The following PPP1R12B variants were observed in gnomAD, a reference collection of about 807,000 sequenced individuals.
The protein encoded by PPP1R12B is protein phosphatase 1 regulatory subunit 12B, also known as myosin phosphatase target subunit 2.
PPP1R12B carries 76 observed loss-of-function variants against 126.1 expected under a neutral mutation model. That is an observed-to-expected ratio of 0.60 (90% CI 0.50 to 0.73). The LOEUF is 0.73. PPP1R12B is among the 30% of genes least tolerant of loss of function. PPP1R12B has a pLI of 0.00. For synonymous variants in PPP1R12B, 356 were observed against 434.7 expected (o/e 0.82, Z 2.25); for missense variants, 1,052 against 1,205.1 (o/e 0.87, Z 1.88).
In PPP1R12B at chr1:202,555,325, GAAAAAAAAAAAAA is replaced by G. The variant is rs56752885; in HGVS notation, c.2491-3536_2491-3524del. ...AAAACCCTAATTTTCCTGTTTTAATGAAAAAAAAAAAAAAAAAAAAAAAAAAAAGCTTGTTTCG... is the reference window on the plus strand; with the variant it reads ...AAAACCCTAATTTTCCTGTTTTAATGAAAAAAAAAAAAAAAGCTTGTTTCG... On this transcript the variant is annotated intron_variant, in intron 18 of 23. Coordinates refer to ENST00000608999, the MANE Select transcript of PPP1R12B (RefSeq NM_002481.4). 2.4e-3 allele frequency among the ~76,000 whole-genome samples: 60 copies of G among 25,354 alleles called. 4 individuals are homozygous for G. Among genetic ancestry groups the G allele is most frequent in the Non-Finnish European group, 2.8e-3 (43 of 15,302 alleles). 16.6% of individuals were successfully genotyped at this position (25,354 alleles called of 152,430 possible).
At chr1:202,561,411 T>A in intron 19 of PPP1R12B, among the ~76,000 whole-genome samples, 1 of 150,564 alleles carries the variant, frequency 6.6e-6, no homozygotes. Context: ...GTGAGGCAAA[T>A]CTATTTTTAC....
intron 1 of PPP1R12B, among the ~76,000 whole-genome samples, chr1:202,378,872 C>G (rs1368052207): frequency 6.6e-6 from 1 of 152,180 alleles, no homozygotes; most frequent in Non-Finnish European, 1.5e-5. Context: ...GCTTCCAAAA[C>G]AATGCTTTTT....
At chr1:202,574,986 G>T in intron 23 of PPP1R12B, 1 of 1,591,858 alleles carries the variant, frequency 6.3e-7, no homozygotes, top group Non-Finnish European at 8.6e-7. Flanking sequence ...TCCTTTTCAT[G>T]TCTCAATCTC....
chr1:202,516,353 A>T (rs1161386104), intron 18 of PPP1R12B, among the ~76,000 whole-genome samples: 1 of 152,160 alleles, frequency 6.6e-6, no homozygotes, highest in African/African-American at 2.4e-5. Flanking sequence ...AAAGAGATAA[A>T]GGGTTGGAAA....
intron 1 of PPP1R12B, among the ~76,000 whole-genome samples, chr1:202,380,635 A>T (rs1183879263): frequency 1.3e-5 from 2 of 152,178 alleles, no homozygotes; most frequent in Non-Finnish European, 2.9e-5. Context: ...TCTCAGTGTC[A>T]ATAGATACCT....
At chr1:202,431,664 G>A in intron 8 of PPP1R12B, 45 bp downstream of exon 8, 3 of 1,546,910 alleles carry the variant, frequency 1.9e-6, no homozygotes, top group Non-Finnish European at 2.6e-6. Flanking sequence ...TCTCCATAGT[G>A]TAAGAAGATT....
chr1:202,388,353 T>G (rs529519931), intron 1 of PPP1R12B, among the ~76,000 whole-genome samples: 23 of 151,924 alleles, frequency 1.5e-4, no homozygotes, highest in African/African-American at 4.4e-4. Context: ...ATTTTTGTAT[T>G]TTAGTAGAGA....
At chr1:202,552,593 A>G (rs923293795) in intron 18 of PPP1R12B, among the ~76,000 whole-genome samples, 6 of 152,254 alleles carry the variant, frequency 3.9e-5, no homozygotes, top group African/African-American at 1.4e-4. Flanking sequence ...AGAAAACTGA[A>G]GGGAAAGAAG....
intron 13 of PPP1R12B, among the ~76,000 whole-genome samples, chr1:202,452,877 A>G (rs561739748): frequency 6.7e-6 from 1 of 150,284 alleles, no homozygotes; most frequent in South Asian, 2.1e-4. Context: ...GTGTTGTCCA[A>G]GCTGGTCTCA....
At chr1:202,491,198 C>T (rs1393024983) in intron 14 of PPP1R12B, among the ~76,000 whole-genome samples, 2 of 152,140 alleles carry the variant, frequency 1.3e-5, no homozygotes, top group Non-Finnish European at 2.9e-5. Flanking sequence ...GATCTTGGCT[C>T]ACTGCAACTT....
At chr1:202,437,703 C>A (rs1244153134) in intron 9 of PPP1R12B, 118 bp from the exon 10 acceptor site, 2 of 887,846 alleles carry the variant, frequency 2.3e-6, no homozygotes, top group East Asian at 2.6e-5. Context: ...TGTATTTGTT[C>A]TTCTTAGCTA....
At chr1:202,397,643 A>C (rs1196600456) in intron 1 of PPP1R12B, among the ~76,000 whole-genome samples, 1 of 152,218 alleles carries the variant, frequency 6.6e-6, no homozygotes, top group Non-Finnish European at 1.5e-5. Context: ...ACATTATTCC[A>C]TTGAAATTAA....
intron 13 of PPP1R12B, among the ~76,000 whole-genome samples, chr1:202,471,055 A>G (rs1373906267): frequency 1.3e-5 from 2 of 152,168 alleles, no homozygotes; most frequent in African/African-American, 4.8e-5. Flanking sequence ...ATCTCTCCTC[A>G]GTCTCATCTC....
intron 23 of PPP1R12B, chr1:202,575,004 C>T (rs1206714617): frequency 1.9e-6 from 3 of 1,608,438 alleles, no homozygotes; most frequent in East Asian, 4.5e-5. Flanking sequence ...CTCTACAGAA[C>T]CTCCACCAGC....
chr1:202,391,087 A>G (rs1664079991), intron 1 of PPP1R12B, among the ~76,000 whole-genome samples: 1 of 152,122 alleles, frequency 6.6e-6, no homozygotes, highest in Non-Finnish European at 1.5e-5. Context: ...TGATAAGACA[A>G]CCCACAGAGT....
At chr1:202,349,743 C>T (rs1235175904) in intron 1 of PPP1R12B, among the ~76,000 whole-genome samples, 2 of 152,152 alleles carry the variant, frequency 1.3e-5, no homozygotes, top group Non-Finnish European at 2.9e-5. Context: ...GCAGTGCTAC[C>T]TCCCTGAGAG....
intron 1 of PPP1R12B, 83 bp downstream of exon 1, chr1:202,349,225 A>T: frequency 6.6e-7 from 1 of 1,515,668 alleles, no homozygotes; most frequent in East Asian, 2.3e-5. Context: ...GGGGAGTATC[A>T]GTGTTGCCGC....
chr1:202,384,842 G>C (rs946551305), intron 1 of PPP1R12B, among the ~76,000 whole-genome samples: 1 of 152,188 alleles, frequency 6.6e-6, no homozygotes, highest in Non-Finnish European at 1.5e-5. Context: ...TTAAACATTT[G>C]TGCATCTTCA....
In PPP1R12B at chr1:202,495,765, G is replaced by A. The variant is rs760610579; in HGVS notation, c.2448+83G>A. 20 of 1,214,334 alleles carry A rather than the reference G, an allele frequency of 1.6e-5. No individual in the cohort carries two copies. The South Asian group carries it at 1.8e-4, about 11-fold the overall frequency. The allele number at this position is 1,214,334 out of a possible 1,614,324, so 75.2% of individuals were successfully genotyped here. ...AGTTGAGTTTAAAAGAAAGAGTCCCGCATGGTGCCATGAATCTTGCAGTTT... is the reference window on the plus strand; with the variant it reads ...AGTTGAGTTTAAAAGAAAGAGTCCCACATGGTGCCATGAATCTTGCAGTTT... On this transcript the variant is annotated intron_variant, in intron 17 of 23. Transcript: ENST00000608999.
Sources: gnomAD v4.1 joint callset for allele counts (sites outside exome capture counted in the v4.1 genomes callset) on GRCh38, gnomAD v4.1.1 for gene constraint, MANE v1.5 for transcripts, NCBI Gene and HGNC (gene_info 2026-07-23, HGNC 2026-07-21) for gene names.